Variants in FOXK2 observed in about 807,000 individuals in gnomAD.
FOXK2 encodes the protein forkhead box K2.
In FOXK2, 24 loss-of-function variants were observed where a neutral mutation model predicts 53.3. The ratio of observed to expected loss-of-function variants is 0.45; its 90% CI spans 0.33 to 0.63. The LOEUF is 0.63. Ranked by LOEUF, FOXK2 falls within the 30% of genes least tolerant of loss-of-function variation. The pLI is 0.03. For missense variants in FOXK2, 952 were observed against 910.5 expected, an observed-to-expected ratio of 1.05 and a Z score of -0.59; for synonymous variants, 505 against 407.1, an observed-to-expected ratio of 1.24 and a Z score of -2.89.
In FOXK2 at chr17:82,519,928, C is replaced by T. The variant is rs1391731329; in HGVS notation, c.40C>T (p.Pro14Ser). The T allele has an allele frequency of 2.0e-6, 2 of 978,700 alleles. No homozygotes were observed. Among genetic ancestry groups the T allele is most frequent in the East Asian group, 1.2e-4 (1 of 8,616 alleles). The allele number at this position is 978,700 out of a possible 1,614,324, so 60.6% of individuals were successfully genotyped here. A position where few individuals can be genotyped will look rare whatever the true frequency, so the allele number is the denominator to read the frequency against. The change falls in exon 1 of 9, where the codon CCA becomes TCA. Residue 14 changes from proline (P) to serine (S), a missense_variant. Around this residue, in one of 5 missense-constraint regions of FOXK2, gnomAD observed 163 missense variants for 165.5 expected, o/e 0.98. Transcript: ENST00000335255. The stretch of plus-strand genomic sequence containing the variant: ...GGCGGCGCTCTCGGGCGCGGGCACG[C>T]CACCCGCGGGCGGCGGGGCCGGGGG... ...AAAALSGAGT[P>S]PAGGGAGGGG...
chr17:82,549,431 G>A (rs144502051), intron 1 of FOXK2, among the ~76,000 whole-genome samples: 127 of 152,014 alleles, frequency 8.4e-4, no homozygotes, highest in African/African-American at 3.0e-3. Context: ...TACAGTTACA[G>A]TACAGCAAAT....
intron 1 of FOXK2, among the ~76,000 whole-genome samples, chr17:82,530,043 C>T (rs1029418775): frequency 6.6e-6 from 1 of 152,164 alleles, no homozygotes; most frequent in African/African-American, 2.4e-5. Flanking sequence ...CCTGGTTCCA[C>T]TGGAGAATGA....
rs2045410930 is a variant in FOXK2 at position 82,603,498 on chromosome 17, C to G, written c.*1999C>G. 1 of 152,132 alleles carries G rather than the reference C, an allele frequency of 6.6e-6. No homozygotes were observed. The highest frequency in any genetic ancestry group is 2.4e-5 in the African/African-American group (1 of 41,426). 9.4% of individuals were successfully genotyped at this position (152,132 alleles called of 1,614,324 possible). ...CCGGTGGGGAGCTTGGCTGGGACAC[C>G]AAGCAAATGCATCGTATGTCCCCTT... On this transcript the variant is annotated 3_prime_UTR_variant, in exon 9 of 9. Coordinates refer to ENST00000335255, the MANE Select transcript of FOXK2 (RefSeq NM_004514.4).
At chr17:82,561,960 C>G (rs1009605166) in intron 1 of FOXK2, among the ~76,000 whole-genome samples, 1 of 152,018 alleles carries the variant, frequency 6.6e-6, no homozygotes, top group Non-Finnish European at 1.5e-5. Context: ...CTGAGTCCCG[C>G]GCCGGGTGCG....
At chr17:82,542,241 A>G (rs1336371891) in intron 1 of FOXK2, among the ~76,000 whole-genome samples, 1 of 149,420 alleles carries the variant, frequency 6.7e-6, no homozygotes, top group East Asian at 2.0e-4. Context: ...GGCTCACTGC[A>G]ACCTCCGCCT....
chr17:82,585,880 C>T (rs1377354979), intron 6 of FOXK2, 24 bp from the exon 7 acceptor site: 2 of 1,595,202 alleles, frequency 1.3e-6, no homozygotes, highest in South Asian at 1.1e-5. Context: ...CTGTAAGTGT[C>T]AGTCCTGCTG....
chr17:82,571,472 G>A (rs2044917452), intron 3 of FOXK2, among the ~76,000 whole-genome samples: 1 of 152,020 alleles, frequency 6.6e-6, no homozygotes, highest in African/African-American at 2.4e-5. Flanking sequence ...GCGGTGGCAG[G>A]CGCCTGTGAT....
rs557207681 is a variant in FOXK2, at chr17:82,569,904, G to T, written c.762+1703G>T. 1.5e-4 allele frequency among the ~76,000 whole-genome samples: 22 copies of T among 143,582 alleles called. 1 individual carries two copies. Among genetic ancestry groups the T allele is most frequent in the African/African-American group, 5.4e-4 (21 of 38,722 alleles). 94.2% of individuals were successfully genotyped at this position (143,582 alleles called of 152,430 possible). On this transcript the variant is annotated intron_variant, in intron 3 of 8. Transcript: ENST00000335255. Reference sequence around the variant, plus strand: ...AATTAGGTATGTGGAGGGTCTTCTTGTGATTACATTTTTCTGTTTAAAAAA... The same window carrying T: ...AATTAGGTATGTGGAGGGTCTTCTTTTGATTACATTTTTCTGTTTAAAAAA...
chr17:82,586,155 C>T lies in FOXK2; in HGVS notation c.1531C>T (p.Pro511Ser), dbSNP rs558194671. 5 of 1,612,052 alleles carry T rather than the reference C, an allele frequency of 3.1e-6. No homozygotes were observed. The highest frequency in any genetic ancestry group is 2.7e-5 in the African/African-American group (2 of 74,858). The change falls in exon 7 of 9, where the codon CCT (proline) becomes TCT (serine). Residue 511 changes from proline (P) to serine (S), a missense_variant. Coordinates refer to ENST00000335255, the MANE Select transcript of FOXK2 (RefSeq NM_004514.4). ...VVTPAAVLAP[P>S]KAEAQENGDH... ...CACCCCGGCAGCCGTGCTGGCCCCT[C>T]CTAAGGCAGAGGCCCAGGAGAATGG...
rs1567983165 is a variant in FOXK2, at chr17:82,583,924, C to T, written c.1104-89C>T. 3 of 1,358,208 alleles carry T rather than the reference C, an allele frequency of 2.2e-6. No individual in the cohort carries two copies. In the South Asian group the frequency reaches 4.3e-5, roughly 19 times the overall value. The allele number at this position is 1,358,208 out of a possible 1,614,324, so 84.1% of individuals were successfully genotyped here. ...TTGGTTGTCAGGAGACAAATGACAC[C>T]CCCTTTGCAAAGTGCACTTATTAAA... On this transcript the variant is annotated intron_variant, in intron 5 of 8. Transcript: ENST00000335255.
intron 1 of FOXK2, among the ~76,000 whole-genome samples, chr17:82,543,029 A>T (rs1313202714): frequency 6.6e-6 from 1 of 152,146 alleles, no homozygotes; most frequent in African/African-American, 2.4e-5. Context: ...GGTACTTAAC[A>T]GGTTATTTAC....
chr17:82,601,304 C>T lies in FOXK2; in HGVS notation c.1788C>T (p.Ala596=), dbSNP rs537784050. ...TCTGACTCCCTCGTGTCATTTCAGC[C>T]GCGGCGAGTCCTTTGCACATGTTGG... ...PTAVHGQVNN[A]AASPLHMLAT... is the part of the protein sequence containing the mutation. The change falls in exon 9 of 9, where the codon GCC becomes GCT. Residue 596 remains alanine, a splice_region_variant and synonymous_variant. Coordinates refer to ENST00000335255, the MANE Select transcript of FOXK2 (RefSeq NM_004514.4). The T allele has an allele frequency of 3.7e-5, 60 of 1,609,548 alleles. No individual in the cohort carries two copies. The highest frequency in any genetic ancestry group is 2.2e-4 in the South Asian group (20 of 90,874).
intron 4 of FOXK2, among the ~76,000 whole-genome samples, chr17:82,575,709 C>T (rs111836762): frequency 1.3e-5 from 2 of 152,064 alleles, no homozygotes; most frequent in East Asian, 1.9e-4. Flanking sequence ...TTGCTACAGC[C>T]GAGACAAGCT....
intron 1 of FOXK2, among the ~76,000 whole-genome samples, chr17:82,553,620 T>C (rs1356210536): frequency 1.3e-5 from 2 of 152,172 alleles, no homozygotes; most frequent in Non-Finnish European, 2.9e-5. Context: ...TGACTCTGGG[T>C]CTGTGTTCAT....
At chr17:82,543,551 A>G (rs1430723019) in intron 1 of FOXK2, among the ~76,000 whole-genome samples, 1 of 152,150 alleles carries the variant, frequency 6.6e-6, no homozygotes, top group African/African-American at 2.4e-5. Context: ...TGCTTGTTTG[A>G]ATAGTTCTGG....
chr17:82,603,169 A>G lies in FOXK2; in HGVS notation c.*1670A>G, dbSNP rs561834746. On this transcript the variant is annotated 3_prime_UTR_variant, in exon 9 of 9. Coordinates refer to ENST00000335255, the MANE Select transcript of FOXK2 (RefSeq NM_004514.4). ...TTATCACTCAGCCGTTTAAGAAATA[A>G]AAGCAAAACCATCACGTGACTGAGA... The G allele has an allele frequency of 3.9e-5, 6 of 152,522 alleles. No homozygotes were observed. The South Asian group carries it at 1.2e-3, about 32-fold the overall frequency. The allele number at this position is 152,522 out of a possible 1,614,324, so 9.4% of individuals were successfully genotyped here.
At chr17:82,571,110 C>T (rs928275286) in intron 3 of FOXK2, among the ~76,000 whole-genome samples, 1 of 152,104 alleles carries the variant, frequency 6.6e-6, no homozygotes, top group African/African-American at 2.4e-5. Flanking sequence ...ACCCACCCCT[C>T]GCCTGTACCC....
chr17:82,553,541 C>T (rs1170833669), intron 1 of FOXK2, among the ~76,000 whole-genome samples: 1 of 152,236 alleles, frequency 6.6e-6, no homozygotes, highest in East Asian at 1.9e-4. Flanking sequence ...TGCAGGTTCC[C>T]AGCCATGCCG....
intron 7 of FOXK2, 136 bp from the exon 8 acceptor site, chr17:82,586,927 T>G (rs1011272771): frequency 2.4e-6 from 2 of 816,742 alleles, no homozygotes; most frequent in Non-Finnish European, 3.9e-6. Flanking sequence ...TTTGCTCATC[T>G]TTTTCTAATT....
Sources: allele counts gnomAD v4.1 joint callset (sites outside exome capture counted in the v4.1 genomes callset), GRCh38; gene constraint gnomAD v4.1.1; regional missense constraint gnomAD v4.1.1; transcripts MANE v1.5; gene names NCBI Gene and HGNC (gene_info 2026-07-23, HGNC 2026-07-21).